KAZN: variants seen among roughly 807,000 people sequenced by gnomAD.
The protein encoded by KAZN is kazrin, periplakin interacting protein, also known as kazrin.
In KAZN, 40 loss-of-function variants were observed where a neutral mutation model predicts 87.4. That is an observed-to-expected ratio of 0.46 (90% CI 0.36 to 0.60). KAZN has a LOEUF of 0.60. Ranked by LOEUF, KAZN falls within the 20% of genes least tolerant of loss-of-function variation. The probability of loss-of-function intolerance (pLI) is 0.00; values close to 1 mark genes in which losing one functional copy is unlikely to be tolerated. For synonymous variants in KAZN, 466 were observed against 458.3 expected, an observed-to-expected ratio of 1.02 and a Z score of -0.22; for missense variants, 898 against 1,073.9, an observed-to-expected ratio of 0.84 and a Z score of 2.29.
At chr1:14,151,287 G>A (rs1208517909) in intron 1 of KAZN, among the ~76,000 whole-genome samples, 12 of 151,940 alleles carry the variant, frequency 7.9e-5, no homozygotes, top group Admixed American at 7.9e-4. Context: ...CACTAAACTG[G>A]TAGTTTTGAA....
intron 1 of KAZN, among the ~76,000 whole-genome samples, chr1:14,153,683 C>A (rs908550900): frequency 6.7e-6 from 1 of 149,992 alleles, no homozygotes; most frequent in African/African-American, 2.5e-5. Flanking sequence ...AAGGCTGAGA[C>A]GGGAGAATTG....
chr1:14,883,355 A>AAAAGAAAG (rs1244741160), intron 1 of KAZN, among the ~76,000 whole-genome samples: 2,694 of 20,702 alleles, frequency 0.13, 707 homozygotes, highest in African/African-American at 0.16. Context: ...AGAAAGAAAG[A>AAAAGAAAG]AAAGAAAGAA....
chr1:14,337,226 A>G (rs534403863), intron 2 of KAZN, among the ~76,000 whole-genome samples: 2 of 152,234 alleles, frequency 1.3e-5, no homozygotes, highest in Non-Finnish European at 2.9e-5. Flanking sequence ...AGAAGAATAA[A>G]TATGGTGCAG....
intron 2 of KAZN, among the ~76,000 whole-genome samples, chr1:15,030,216 C>T (rs1671553318): frequency 6.6e-6 from 1 of 152,168 alleles, no homozygotes; most frequent in South Asian, 2.1e-4. Flanking sequence ...CCCGGCTCTT[C>T]CTTAAGGAGC....
chr1:14,376,237 T>C lies in KAZN; in HGVS notation c.249+195645T>C, dbSNP rs115652604. ...GTACATGCATCATACCCAGAAAGAA[T>C]ACAGTACTTTCATCAGTGATATGGC... On this transcript the variant is annotated intron_variant, in intron 2 of 16. Transcript: ENST00000636203. 3.2e-3 allele frequency among the ~76,000 whole-genome samples: 488 copies of C among 152,268 alleles called. 2 individuals carry two copies. The highest frequency in any genetic ancestry group is 0.011 in the African/African-American group (459 of 41,562).
chr1:14,261,811 C>T (rs975701465), intron 2 of KAZN, among the ~76,000 whole-genome samples: 2 of 152,142 alleles, frequency 1.3e-5, no homozygotes, highest in African/African-American at 4.8e-5. Context: ...GTACTTGTCA[C>T]TTCAGTCTTT....
At chr1:14,776,459 C>T (rs941111832) in intron 1 of KAZN, among the ~76,000 whole-genome samples, 1 of 152,210 alleles carries the variant, frequency 6.6e-6, no homozygotes, top group African/African-American at 2.4e-5. Context: ...CCACTGCACC[C>T]AACTAAGCGC....
At chr1:14,022,978 C>G (rs1470319266) in intron 1 of KAZN, among the ~76,000 whole-genome samples, 1 of 152,072 alleles carries the variant, frequency 6.6e-6, no homozygotes, top group South Asian at 2.1e-4. Flanking sequence ...CTATTTCCCA[C>G]CTGGTATGAT....
chr1:14,009,755 A>C (rs774750763), intron 1 of KAZN, among the ~76,000 whole-genome samples: 10 of 152,182 alleles, frequency 6.6e-5, no homozygotes, highest in Admixed American at 6.5e-4. Context: ...AGAGAATACA[A>C]CATAAGCATT....
intron 2 of KAZN, among the ~76,000 whole-genome samples, chr1:14,468,156 A>G (rs930201312): frequency 3.3e-5 from 5 of 152,154 alleles, no homozygotes; most frequent in Non-Finnish European, 5.9e-5. Flanking sequence ...GGACATGGAA[A>G]AAAAGTCAAG....
intron 1 of KAZN, among the ~76,000 whole-genome samples, chr1:14,633,619 A>T (rs1314677287): frequency 6.6e-6 from 1 of 152,130 alleles, no homozygotes; most frequent in Admixed American, 6.5e-5. Flanking sequence ...GAAGCCGCTA[A>T]GTTTGTGGTG....
intron 2 of KAZN, among the ~76,000 whole-genome samples, chr1:14,592,924 G>A (rs895135449): frequency 1.2e-4 from 19 of 152,202 alleles, no homozygotes; most frequent in African/African-American, 3.4e-4. Context: ...AGGCAGAAAC[G>A]ATGCTTCTGA....
At chr1:14,341,614 A>C (rs1657731480) in intron 2 of KAZN, among the ~76,000 whole-genome samples, 1 of 152,066 alleles carries the variant, frequency 6.6e-6, no homozygotes, top group Admixed American at 6.6e-5. Flanking sequence ...CTATTCCCTC[A>C]GTCATCCACA....
At chr1:15,038,559 A>G (rs1311946178) in intron 3 of KAZN, among the ~76,000 whole-genome samples, 1 of 152,182 alleles carries the variant, frequency 6.6e-6, no homozygotes, top group Non-Finnish European at 1.5e-5. Context: ...CCTACTGTAT[A>G]CAGGCATGAA....
intron 10 of KAZN, among the ~76,000 whole-genome samples, chr1:15,095,249 G>A (rs1464834692): frequency 6.6e-6 from 1 of 152,186 alleles, no homozygotes; most frequent in Non-Finnish European, 1.5e-5. Flanking sequence ...ACCAGCCCAA[G>A]CAGCTCTGCA....
At chr1:14,313,393 A>G (rs1655439839) in intron 2 of KAZN, among the ~76,000 whole-genome samples, 1 of 152,168 alleles carries the variant, frequency 6.6e-6, no homozygotes, top group Non-Finnish European at 1.5e-5. Context: ...GAATGAGTCA[A>G]CTTCATTGTT....
chr1:14,990,208 TTTTG>T (rs1379457319), intron 2 of KAZN, among the ~76,000 whole-genome samples: 3 of 151,912 alleles, frequency 2.0e-5, no homozygotes, highest in Non-Finnish European at 2.9e-5. Context: ...CACCACTTGT[TTTTG>T]TTTGTTTGTT....
chr1:14,074,930 T>A (rs1643393206), intron 1 of KAZN, among the ~76,000 whole-genome samples: 1 of 152,202 alleles, frequency 6.6e-6, no homozygotes, highest in South Asian at 2.1e-4. Flanking sequence ...AAGTGAAATG[T>A]GTTTGCTTTC....
intron 2 of KAZN, among the ~76,000 whole-genome samples, chr1:14,182,194 C>G (rs1289582205): frequency 6.6e-6 from 1 of 152,104 alleles, no homozygotes; most frequent in African/African-American, 2.4e-5. Context: ...AAATCGATGA[C>G]TGCTAGAATG....
Sources: allele counts gnomAD v4.1 joint callset (sites outside exome capture counted in the v4.1 genomes callset), GRCh38; gene constraint gnomAD v4.1.1; transcripts MANE v1.5; gene names NCBI Gene and HGNC (gene_info 2026-07-23, HGNC 2026-07-21).